The following NR3C1 variants were observed in gnomAD, a reference collection of about 807,000 sequenced individuals.
NR3C1 encodes the protein glucocorticoid receptor.
NR3C1 carries 14 observed loss-of-function variants against 74.0 expected under a neutral mutation model. That is an observed-to-expected ratio of 0.19 (90% CI 0.12 to 0.30). The LOEUF is 0.30. NR3C1 is among the 10% of genes least tolerant of loss of function. The probability of loss-of-function intolerance (pLI) is 1.00; values close to 1 mark genes in which losing one functional copy is unlikely to be tolerated. For synonymous variants in NR3C1, 308 were observed against 332.5 expected (o/e 0.93, Z 0.80); for missense variants, 695 against 909.8 (o/e 0.76, Z 3.04).
chr5:143,412,016 A>G (rs1841309972), intron 1 of NR3C1, among the ~76,000 whole-genome samples: 1 of 152,064 alleles, frequency 6.6e-6, no homozygotes, highest in Non-Finnish European at 1.5e-5. Flanking sequence ...GTCATCCAGC[A>G]GCTCTATGAA....
chr5:143,355,692 C>G (rs1275520545), intron 2 of NR3C1, among the ~76,000 whole-genome samples: 1 of 152,008 alleles, frequency 6.6e-6, no homozygotes. Flanking sequence ...ATAAAACCAC[C>G]CTTTAAAAAC....
chr5:143,427,899 CATGGAA>C (rs1159940709), intron 1 of NR3C1, among the ~76,000 whole-genome samples: 1 of 152,170 alleles, frequency 6.6e-6, no homozygotes, highest in Non-Finnish European at 1.5e-5. Context: ...GTGAGGTCAT[CATGGAA>C]AATGCTTGAC....
intron 2 of NR3C1, among the ~76,000 whole-genome samples, chr5:143,366,118 C>T (rs1600297946): frequency 6.6e-6 from 1 of 151,994 alleles, no homozygotes; most frequent in Non-Finnish European, 1.5e-5. Flanking sequence ...AAAAGAAGAA[C>T]TAAGTCCAAA....
chr5:143,404,546 A>AGGCGGC (rs72557313), upstream of NR3C1: 2 of 943,028 alleles, frequency 2.1e-6, no homozygotes, highest in Non-Finnish European at 2.5e-6. Context: ...CGAGTCTGCG[A>AGGCGGC]GGCGGCGGCG....
chr5:143,403,390 T>G lies in NR3C1; in HGVS notation c.-193A>C. 2.0e-6 allele frequency: 2 copies of G among 985,106 alleles called. No homozygotes were observed. Among genetic ancestry groups the G allele is most frequent in the South Asian group, 9.4e-5 (2 of 21,266 alleles). 61.0% of individuals were successfully genotyped at this position (985,106 alleles called of 1,614,324 possible). A position where few individuals can be genotyped will look rare whatever the true frequency, so the allele number is the denominator to read the frequency against. ...GGGGGAGAGCCCCTATTTAAGAAAG[T>G]CTCCCATTGCCCAGCTGACAAGCCA... On this transcript the variant is annotated 5_prime_UTR_variant, in exon 1 of 9. Transcript: ENST00000394464.
At chr5:143,323,313 G>C (rs1196115084) in intron 2 of NR3C1, among the ~76,000 whole-genome samples, 1 of 152,182 alleles carries the variant, frequency 6.6e-6, no homozygotes, top group Admixed American at 6.5e-5. Context: ...AATCATGGCA[G>C]GAGGTGAAAG....
chr5:143,333,629 G>A (rs1278704495), intron 2 of NR3C1, among the ~76,000 whole-genome samples: 2 of 152,122 alleles, frequency 1.3e-5, no homozygotes, highest in Non-Finnish European at 2.9e-5. Flanking sequence ...TGAGCTGGGT[G>A]TGGTGGCACG....
chr5:143,416,650 G>C (rs879096486), intron 1 of NR3C1, among the ~76,000 whole-genome samples: 1 of 152,082 alleles, frequency 6.6e-6, no homozygotes, highest in Admixed American at 6.6e-5. Context: ...AAAGGGTCCT[G>C]ACATCAGAAG....
intron 2 of NR3C1, among the ~76,000 whole-genome samples, chr5:143,378,060 G>C (rs1028135587): frequency 1.3e-5 from 2 of 151,082 alleles, no homozygotes; most frequent in African/African-American, 4.9e-5. Context: ...GACCAGCCTG[G>C]GCAACAGAGC....
At chr5:143,371,911 C>A (rs548350727) in intron 2 of NR3C1, among the ~76,000 whole-genome samples, 14 of 152,276 alleles carry the variant, frequency 9.2e-5, no homozygotes, top group Admixed American at 8.5e-4. Flanking sequence ...CAACCTCTTC[C>A]CCATCTCTGT....
At chr5:143,293,146 C>T (rs758898632) in intron 7 of NR3C1, among the ~76,000 whole-genome samples, 6 of 152,042 alleles carry the variant, frequency 3.9e-5, no homozygotes, top group Non-Finnish European at 5.9e-5. Flanking sequence ...CATCAATCAA[C>T]GAGTGGATAA....
chr5:143,404,877 G>A (rs889761882), upstream of NR3C1, among the ~76,000 whole-genome samples: 1 of 152,134 alleles, frequency 6.6e-6, no homozygotes, highest in African/African-American at 2.4e-5. Flanking sequence ...CCTCGACTCT[G>A]TGCGTTGCTC....
chr5:143,281,703 A>C lies in NR3C1; in HGVS notation c.*186T>G. 2 of 590,304 alleles carry C rather than the reference A, an allele frequency of 3.4e-6. No individual in the cohort carries two copies. The highest frequency in any genetic ancestry group is 5.9e-6 in the Non-Finnish European group (2 of 336,258). 36.6% of individuals were successfully genotyped at this position (590,304 alleles called of 1,614,324 possible). A position where few individuals can be genotyped will look rare whatever the true frequency, so the allele number is the denominator to read the frequency against. ...CTCCCATCACTGAAAAGTGATGACG[A>C]CTCAACTGCTTCTGTTGCCAAGTCT... On this transcript the variant is annotated 3_prime_UTR_variant, in exon 9 of 9. Coordinates refer to ENST00000394464, the MANE Select transcript of NR3C1 (RefSeq NM_000176.3).
At chr5:143,308,490 A>G (rs1820148415) in intron 4 of NR3C1, among the ~76,000 whole-genome samples, 1 of 152,082 alleles carries the variant, frequency 6.6e-6, no homozygotes, top group Admixed American at 6.5e-5. Context: ...CATCATAATC[A>G]TAAAAGGAAC....
intron 2 of NR3C1, among the ~76,000 whole-genome samples, chr5:143,362,362 T>G (rs1194611244): frequency 6.8e-6 from 1 of 147,102 alleles, no homozygotes; most frequent in African/African-American, 2.5e-5. Context: ...GAAGACTTGT[T>G]TTTTTTTTTT....
chr5:143,403,013 G>A (rs1840633876), intron 1 of NR3C1, among the ~76,000 whole-genome samples, 198 bp downstream of exon 1: 1 of 151,502 alleles, frequency 6.6e-6, no homozygotes, highest in Non-Finnish European at 1.5e-5. Flanking sequence ...GCCTGCGGAG[G>A]GAGAGGAAGA....
At chr5:143,324,673 T>A (rs1474738569) in intron 2 of NR3C1, among the ~76,000 whole-genome samples, 1 of 152,186 alleles carries the variant, frequency 6.6e-6, no homozygotes, top group Non-Finnish European at 1.5e-5. Context: ...AAAAATGGGT[T>A]TCTCTTTTCA....
chr5:143,379,888 G>T (rs560406535), intron 2 of NR3C1, among the ~76,000 whole-genome samples: 56 of 152,304 alleles, frequency 3.7e-4, no homozygotes, highest in African/African-American at 1.3e-3. Flanking sequence ...GACTCATGAA[G>T]AATAATAAAT....
At chr5:143,345,919 G>T (rs947748034) in intron 2 of NR3C1, among the ~76,000 whole-genome samples, 8 of 152,086 alleles carry the variant, frequency 5.3e-5, no homozygotes, top group African/African-American at 1.9e-4. Flanking sequence ...TGGTAAAATT[G>T]GTTTCATTAG....
Sources: gnomAD v4.1 joint callset for allele counts (sites outside exome capture counted in the v4.1 genomes callset) on GRCh38, gnomAD v4.1.1 for gene constraint, MANE v1.5 for transcripts, NCBI Gene and HGNC (gene_info 2026-07-23, HGNC 2026-07-21) for gene names.